GRIK2: variants seen among roughly 807,000 people sequenced by gnomAD.
GRIK2 encodes the protein glutamate ionotropic receptor kainate type subunit 2.
Under a neutral mutation model 100.3 loss-of-function variants are expected in GRIK2, and 32 were observed. The observed-to-expected ratio is 0.32, with a 90% CI of 0.24 to 0.43. GRIK2 has a LOEUF of 0.43. GRIK2 is among the 20% of genes least tolerant of loss of function. The pLI, the probability that GRIK2 is intolerant of heterozygous loss-of-function variation, is 1.00. For missense variants in GRIK2, 843 were observed against 1,114.9 expected, an observed-to-expected ratio of 0.76 and a Z score of 3.47; for synonymous variants, 417 against 389.4, an observed-to-expected ratio of 1.07 and a Z score of -0.83.
chr6:101,436,597 G>A (rs1015730571), intron 2 of GRIK2, among the ~76,000 whole-genome samples: 1 of 151,952 alleles, frequency 6.6e-6, no homozygotes, highest in Non-Finnish European at 1.5e-5. Flanking sequence ...GCAAGAACTA[G>A]TCTGGATAGA....
intron 12 of GRIK2, among the ~76,000 whole-genome samples, chr6:101,915,398 AC>A (rs1327241247): frequency 6.6e-6 from 1 of 151,498 alleles, no homozygotes; most frequent in African/African-American, 2.4e-5. Flanking sequence ...AATTAAAAAA[AC>A]AAGCAAACAA....
At chr6:102,037,609 A>T (rs1770339578) in intron 15 of GRIK2, among the ~76,000 whole-genome samples, 1 of 141,124 alleles carries the variant, frequency 7.1e-6, no homozygotes, top group Non-Finnish European at 1.6e-5. Context: ...ACAAATTCAA[A>T]ATTGGGCAAT....
At chr6:101,550,926 C>T (rs1776481825) in intron 2 of GRIK2, among the ~76,000 whole-genome samples, 1 of 152,104 alleles carries the variant, frequency 6.6e-6, no homozygotes, top group Non-Finnish European at 1.5e-5. Flanking sequence ...AATTTGGAAG[C>T]CATTTGGCAT....
rs1443376684 is a variant in GRIK2, at chr6:101,584,687, GATC to G, written c.116-37261_116-37259del. 8.5e-5 allele frequency among the ~76,000 whole-genome samples: 13 copies of G among 152,066 alleles called. 1 individual carries two copies. The South Asian group carries it at 2.5e-3, about 29-fold the overall frequency. ...TTGTACATCTTTAGAGAATATAACA[GATC>G]TTCTAAATCAGCATAACTACCCAAA... On this transcript the variant is annotated intron_variant, in intron 2 of 16. Coordinates refer to ENST00000369134, the MANE Select transcript of GRIK2 (RefSeq NM_021956.5).
chr6:101,883,901 G>T (rs1786437390), intron 11 of GRIK2, among the ~76,000 whole-genome samples: 1 of 152,156 alleles, frequency 6.6e-6, no homozygotes. Context: ...AGGCAAACAT[G>T]TTCTATAAGT....
chr6:101,878,579 G>A (rs1786030255), intron 11 of GRIK2, among the ~76,000 whole-genome samples: 1 of 151,918 alleles, frequency 6.6e-6, no homozygotes, highest in South Asian at 2.1e-4. Flanking sequence ...ACAATTTTGA[G>A]ACTCTCTGGT....
intron 2 of GRIK2, among the ~76,000 whole-genome samples, chr6:101,562,050 C>G (rs570963891): frequency 7.0e-4 from 107 of 152,202 alleles, no homozygotes; most frequent in African/African-American, 2.5e-3. Flanking sequence ...ACTAACCTGA[C>G]AGAACTGCAG....
Position 101,456,365 on chromosome 6 carries a change from T to A in GRIK2, c.115+56973T>A, listed in dbSNP as rs143594215. Among the ~76,000 whole-genome samples, 687 of 152,196 alleles carry A rather than the reference T, an allele frequency of 4.5e-3. 6 individuals carry two copies. Among genetic ancestry groups the A allele is most frequent in the African/African-American group, 0.016 (652 of 41,548 alleles). On this transcript the variant is annotated intron_variant, in intron 2 of 16. Coordinates refer to ENST00000369134, the MANE Select transcript of GRIK2 (RefSeq NM_021956.5). ...TTTCCTTGGGATGATTTACATTCAATGTTGCTTGGCTGAATATTGTTTATC... is the reference window on the plus strand; with the variant it reads ...TTTCCTTGGGATGATTTACATTCAAAGTTGCTTGGCTGAATATTGTTTATC...
At chr6:101,722,684 A>G (rs972104064) in intron 7 of GRIK2, among the ~76,000 whole-genome samples, 4 of 152,062 alleles carry the variant, frequency 2.6e-5, no homozygotes, top group African/African-American at 9.7e-5. Flanking sequence ...CCCAGTTTTG[A>G]AATGTGTTTT....
intron 2 of GRIK2, among the ~76,000 whole-genome samples, chr6:101,411,492 T>C (rs1775880949): frequency 6.6e-6 from 1 of 152,132 alleles, no homozygotes; most frequent in African/African-American, 2.4e-5. Context: ...AGTCCCTTTA[T>C]TTATTTTACC....
At chr6:101,849,119 A>G (rs898470207) in intron 10 of GRIK2, among the ~76,000 whole-genome samples, 3 of 151,992 alleles carry the variant, frequency 2.0e-5, no homozygotes, top group African/African-American at 4.8e-5. Flanking sequence ...GCCTTATACT[A>G]TCTAGTAAAG....
intron 14 of GRIK2, among the ~76,000 whole-genome samples, chr6:101,986,028 TTATAC>T (rs1386333854): frequency 1.3e-5 from 2 of 151,862 alleles, no homozygotes; most frequent in African/African-American, 4.8e-5. Flanking sequence ...CACATGCATT[TTATAC>T]TATGAGAAAC....
intron 7 of GRIK2, among the ~76,000 whole-genome samples, chr6:101,691,458 T>A (rs991163203): frequency 5.3e-5 from 8 of 151,946 alleles, no homozygotes; most frequent in African/African-American, 1.9e-4. Flanking sequence ...CCACCACGCC[T>A]GGCTAATTTT....
Position 101,503,370 on chromosome 6 carries a change from G to A in GRIK2, c.115+103978G>A, listed in dbSNP as rs74828688. Among the ~76,000 whole-genome samples the A allele has an allele frequency of 4.1e-3, 622 of 152,152 alleles. 28 individuals are homozygous for A. In the East Asian group the frequency reaches 0.1, roughly 25 times the overall value. ...GGCTATGAATAGAAAGGAGGAAGAAGGGGGGAAAGAGGCACTGTCCTACAA... is the reference window on the plus strand; with the variant it reads ...GGCTATGAATAGAAAGGAGGAAGAAAGGGGGAAAGAGGCACTGTCCTACAA... On this transcript the variant is annotated intron_variant, in intron 2 of 16. Transcript: ENST00000369134.
At chr6:101,483,156 C>A (rs1772626553) in intron 2 of GRIK2, among the ~76,000 whole-genome samples, 1 of 152,026 alleles carries the variant, frequency 6.6e-6, no homozygotes, top group African/African-American at 2.4e-5. Flanking sequence ...GTCGCAATTT[C>A]TAAATTTTAT....
At chr6:101,827,276 C>T (rs953298709) in intron 10 of GRIK2, among the ~76,000 whole-genome samples, 1 of 151,734 alleles carries the variant, frequency 6.6e-6, no homozygotes, top group African/African-American at 2.4e-5. Flanking sequence ...ATTGCCTTTG[C>T]TTAATAGACT....
At chr6:101,793,395 T>C (rs1780036032) in intron 7 of GRIK2, among the ~76,000 whole-genome samples, 2 of 152,188 alleles carry the variant, frequency 1.3e-5, no homozygotes, top group South Asian at 4.1e-4. Context: ...GGTGTGGATG[T>C]CCTTTCTGTT....
At chr6:101,783,658 G>T (rs142591481) in intron 7 of GRIK2, among the ~76,000 whole-genome samples, 1,697 of 152,278 alleles carry the variant, frequency 0.011, 35 homozygotes, top group African/African-American at 0.039. Context: ...CTAGAGACTT[G>T]TTGAATGGCT....
At chr6:101,685,280 C>G (rs756652807) in intron 6 of GRIK2, among the ~76,000 whole-genome samples, 1 of 152,130 alleles carries the variant, frequency 6.6e-6, no homozygotes, top group Non-Finnish European at 1.5e-5. Flanking sequence ...ATAGCACAGA[C>G]TAGAGCTCAG....
Sources: gnomAD v4.1 joint callset for allele counts (sites outside exome capture counted in the v4.1 genomes callset) on GRCh38, gnomAD v4.1.1 for gene constraint, MANE v1.5 for transcripts, NCBI Gene and HGNC (gene_info 2026-07-23, HGNC 2026-07-21) for gene names.